NMBR: variants seen among roughly 807,000 people sequenced by gnomAD.
NMBR encodes the protein neuromedin B receptor, also known as neuromedin-B receptor.
A neutral mutation model predicts 20.5 loss-of-function variants in NMBR; 16 were observed. That is an observed-to-expected ratio of 0.78 (90% CI 0.53 to 1.19). The LOEUF (loss-of-function observed/expected upper bound fraction) is 1.19, where lower values mean the gene tolerates loss of function less well. NMBR is among the 50% of genes most tolerant of loss of function. The pLI, the probability that NMBR is intolerant of heterozygous loss-of-function variation, is 0.00. For synonymous variants in NMBR, 212 were observed against 196.6 expected (o/e 1.08, Z -0.65); for missense variants, 582 against 499.1 (o/e 1.17, Z -1.58).
intron 3 of NMBR, among the ~76,000 whole-genome samples, chr6:142,077,390 C>T (rs1462504166): frequency 2.6e-5 from 4 of 152,108 alleles, no homozygotes; most frequent in Non-Finnish European, 5.9e-5. Context: ...TACTCAAATA[C>T]CTAATTGAGA....
intron 1 of NMBR, among the ~76,000 whole-genome samples, chr6:142,096,246 G>C (rs1357055671): frequency 6.6e-6 from 1 of 152,046 alleles, no homozygotes; most frequent in Non-Finnish European, 1.5e-5. Context: ...TGTGATGTTA[G>C]GGTGTCAATT....
At chr6:142,120,778 C>A (rs1470920621) in intron 1 of NMBR, among the ~76,000 whole-genome samples, 1 of 151,948 alleles carries the variant, frequency 6.6e-6, no homozygotes, top group Non-Finnish European at 1.5e-5. Context: ...CTGATTCCTG[C>A]AGAATAAGTG....
At chr6:142,118,550 C>T (rs537174524) in intron 1 of NMBR, among the ~76,000 whole-genome samples, 3 of 152,100 alleles carry the variant, frequency 2.0e-5, no homozygotes, top group African/African-American at 7.2e-5. Flanking sequence ...TGCTAGTTGC[C>T]TCTGCTTCTA....
intron 2 of NMBR, among the ~76,000 whole-genome samples, chr6:142,087,090 A>G (rs1432466279): frequency 6.6e-6 from 1 of 152,152 alleles, no homozygotes; most frequent in African/African-American, 2.4e-5. Flanking sequence ...AGTTTCCAGG[A>G]GTGTGGTTTT....
chr6:142,132,099 A>G (rs961747176), intron 1 of NMBR, among the ~76,000 whole-genome samples: 3 of 152,194 alleles, frequency 2.0e-5, no homozygotes, highest in African/African-American at 7.2e-5. Context: ...CTCCTATTCA[A>G]TGAGAACACT....
At chr6:142,108,952 G>T (rs2114587671) in intron 1 of NMBR, among the ~76,000 whole-genome samples, 1 of 152,248 alleles carries the variant, frequency 6.6e-6, no homozygotes, top group East Asian at 1.9e-4. Context: ...TACCGGCATT[G>T]GATAAACACA....
At chr6:142,134,056 A>G in intron 1 of NMBR, 1 of 660,504 alleles carries the variant, frequency 1.5e-6, no homozygotes, top group African/African-American at 1.8e-5. Context: ...TGTGCACATA[A>G]ACATTAACTC....
chr6:142,077,654 T>G (rs1776976529), intron 3 of NMBR, among the ~76,000 whole-genome samples: 2 of 152,226 alleles, frequency 1.3e-5, no homozygotes, highest in Non-Finnish European at 2.9e-5. Flanking sequence ...TTTACTAGTT[T>G]CTGCTGTTGC....
chr6:142,088,544 C>T lies in NMBR; in HGVS notation c.115G>A (p.Glu39Lys). 2 of 1,613,954 alleles carry T rather than the reference C, an allele frequency of 1.2e-6. No homozygotes were observed. The highest frequency in any genetic ancestry group is 8.5e-7 in the Non-Finnish European group (1 of 1,179,974). Reference sequence around the variant, plus strand: ...GGGATCACACAGCGGATCACCAACTCCGTGGTGGTCCCGTCCGAGGCCGGC... The same window carrying T: ...GGGATCACACAGCGGATCACCAACTTCGTGGTGGTCCCGTCCGAGGCCGGC... ...FLPASDGTTT[E>K]LVIRCVIPSL... Residue 39 changes from glutamate to lysine, a missense_variant, in exon 2 of 4, where the codon GAG (glutamate) becomes AAG (lysine). Glu to Lys is a moderately conservative substitution (Grantham distance 56). Transcript: ENST00000258042.
chr6:142,078,669 G>A lies in NMBR; in HGVS notation c.657C>T (p.Val219=). The A allele has an allele frequency of 1.2e-6, 2 of 1,613,570 alleles. No homozygotes were observed. The highest frequency in any genetic ancestry group is 1.7e-6 in the Non-Finnish European group (2 of 1,179,540). ...TAATAGCAAGTGGTATGAGGAAATA[G>A]ACCAAGAAAATGAGCACTGAATGAA... ...PKIHSVLIFL[V]YFLIPLAIIS... Residue 219 remains valine, a synonymous_variant, in exon 3 of 4, where the codon GTC becomes GTT. Transcript: ENST00000258042.
chr6:142,111,277 G>A (rs1724533867), intron 1 of NMBR, among the ~76,000 whole-genome samples: 1 of 151,336 alleles, frequency 6.6e-6, no homozygotes. Flanking sequence ...CTTACACACT[G>A]AAATCACTGA....
intron 1 of NMBR, among the ~76,000 whole-genome samples, chr6:142,130,069 G>A (rs929289701): frequency 2.6e-5 from 4 of 152,034 alleles, no homozygotes; most frequent in South Asian, 2.1e-4. Flanking sequence ...TTTGCTCTTC[G>A]CACTGAGATC....
chr6:142,106,141 CCTGT>C (rs1459509019), intron 1 of NMBR, among the ~76,000 whole-genome samples: 1 of 152,140 alleles, frequency 6.6e-6, no homozygotes, highest in Non-Finnish European at 1.5e-5. Context: ...AAGGTTATGA[CCTGT>C]CTGAGTCCTG....
In NMBR at chr6:142,134,111, T is replaced by C. The variant is rs949745931; in HGVS notation, c.-664+12933A>G. 3 of 541,944 alleles carry C rather than the reference T, an allele frequency of 5.5e-6. No homozygotes were observed. The African/African-American group carries it at 5.6e-5, about 10-fold the overall frequency. 33.6% of individuals were successfully genotyped at this position (541,944 alleles called of 1,614,324 possible). A position where few individuals can be genotyped will look rare whatever the true frequency, so the allele number is the denominator to read the frequency against. On this transcript the variant is annotated intron_variant, in intron 1 of 3. Coordinates refer to ENST00000258042, the MANE Select transcript of NMBR (RefSeq NM_002511.4). The stretch of plus-strand genomic sequence containing the variant: ...CTTTAAATGTAAAATAATGTCATAA[T>C]ATGAGAAATACCCTAACAGGTTTTT...
At chr6:142,079,455 T>C (rs1381539609) in intron 2 of NMBR, among the ~76,000 whole-genome samples, 8 of 152,212 alleles carry the variant, frequency 5.3e-5, no homozygotes, top group Non-Finnish European at 1.0e-4. Flanking sequence ...TCCAAAATCC[T>C]GGACATTAGT....
chr6:142,084,708 G>A (rs1777167050), intron 2 of NMBR, among the ~76,000 whole-genome samples: 1 of 152,130 alleles, frequency 6.6e-6, no homozygotes, highest in Admixed American at 6.5e-5. Flanking sequence ...TTTTAATAAT[G>A]TGCCATCAGA....
intron 1 of NMBR, chr6:142,133,242 G>A: frequency 1.6e-6 from 1 of 615,388 alleles, no homozygotes; most frequent in Non-Finnish European, 2.9e-6. Context: ...AGTCTTTTCT[G>A]AGTATTTTAC....
At chr6:142,137,996 T>C (rs1018969239) in intron 1 of NMBR, among the ~76,000 whole-genome samples, 2 of 152,054 alleles carry the variant, frequency 1.3e-5, no homozygotes, top group African/African-American at 4.8e-5. Context: ...AAAACCTTTC[T>C]GTGCCCACAG....
Position 142,088,920 on chromosome 6 carries a change from A to C in NMBR, c.-262T>G. 1 of 393,882 alleles carries C rather than the reference A, an allele frequency of 2.5e-6. No homozygotes were observed. Among genetic ancestry groups the C allele is most frequent in the Non-Finnish European group, 4.6e-6 (1 of 217,006 alleles). 24.4% of individuals were successfully genotyped at this position (393,882 alleles called of 1,614,324 possible). ...TTTAAATTAAAAAAAAAAAAAAAGC[A>C]AAGCGGTTGCGTCTTTGTTCCGTAT... On this transcript the variant is annotated 5_prime_UTR_variant, in exon 2 of 4. Coordinates refer to ENST00000258042, the MANE Select transcript of NMBR (RefSeq NM_002511.4).
Sources: allele counts gnomAD v4.1 joint callset (sites outside exome capture counted in the v4.1 genomes callset), GRCh38; gene constraint gnomAD v4.1.1; transcripts MANE v1.5; gene names NCBI Gene and HGNC (gene_info 2026-07-23, HGNC 2026-07-21).